PROSER1: variants seen among roughly 807,000 people sequenced by gnomAD.
The protein encoded by PROSER1 is proline and serine rich 1.
A neutral mutation model predicts 71.8 loss-of-function variants in PROSER1; 36 were observed. That is an observed-to-expected ratio of 0.50 (90% CI 0.38 to 0.66). PROSER1 has a LOEUF of 0.66. PROSER1 is among the 30% of genes least tolerant of loss of function. The pLI, the probability that PROSER1 is intolerant of heterozygous loss-of-function variation, is 0.00. For missense variants in PROSER1, 1,107 were observed against 1,135.0 expected (o/e 0.98, Z 0.35); for synonymous variants, 490 against 452.4 (o/e 1.08, Z -1.06).
In PROSER1 at chr13:39,013,877, C is replaced by T; in HGVS notation, c.1375G>A (p.Ala459Thr). The T allele has an allele frequency of 2.5e-6, 4 of 1,614,142 alleles. No homozygotes were observed. Among genetic ancestry groups the T allele is most frequent in the Non-Finnish European group, 2.5e-6 (3 of 1,180,034 alleles). ...VIAGGSTPSV[A>T]GPLGVNSPLL... ...GGACTGTTCACACCAAGTGGACCGGCAACGCTGGGAGTAGAGCCACCAGCA... is the reference window on the plus strand; with the variant it reads ...GGACTGTTCACACCAAGTGGACCGGTAACGCTGGGAGTAGAGCCACCAGCA... Residue 459 changes from alanine (A) to threonine (T), a missense_variant, in exon 11 of 13, where the codon GCC becomes ACC. Physicochemically the swap from Ala to Thr is moderately conservative, Grantham distance 58. Coordinates refer to ENST00000352251, the MANE Select transcript of PROSER1 (RefSeq NM_025138.5).
At chr13:39,019,765 T>C (rs1182680037) in intron 9 of PROSER1, among the ~76,000 whole-genome samples, 2 of 151,174 alleles carry the variant, frequency 1.3e-5, no homozygotes, top group East Asian at 1.9e-4. Flanking sequence ...ATAATGAAAA[T>C]AAAAATAAAA....
At chr13:39,012,600 T>G in intron 11 of PROSER1, 91 bp downstream of exon 11, 9 of 1,054,400 alleles carry the variant, frequency 8.5e-6, no homozygotes, top group Non-Finnish European at 1.2e-5. Context: ...ATCATTTAGA[T>G]TTTGACATTC....
Position 39,013,967 on chromosome 13 carries a change from A to G in PROSER1, c.1285T>C (p.Phe429Leu). 1 of 1,614,142 alleles carries G rather than the reference A, an allele frequency of 6.2e-7. No homozygotes were observed. Among genetic ancestry groups the G allele is most frequent in the Non-Finnish European group, 8.5e-7 (1 of 1,180,030 alleles). Residue 429 changes from phenylalanine (F) to leucine (L), a missense_variant, in exon 11 of 13, where the codon TTT (phenylalanine) becomes CTT (leucine). By Grantham distance (22) the Phe-to-Leu change is conservative. Transcript: ENST00000352251. ...GGTAAGGGCAAAGGGAGCCCTGCAA[A>G]AACTGATGACAATGAAGCAGAATTT... ...NPNSASLSSV[F>L]AGLPLPLPPT...
At position 39,013,617 on chromosome 13, in the gene PROSER1, C is replaced by A; in HGVS notation, c.1635G>T (p.Val545=). 1 of 1,614,126 alleles carries A rather than the reference C, an allele frequency of 6.2e-7. No individual in the cohort carries two copies. Among genetic ancestry groups the A allele is most frequent in the Non-Finnish European group, 8.5e-7 (1 of 1,180,032 alleles). Reference sequence around the variant, plus strand: ...TCAGGGGAGTGGAAGTTGAGTTAGCCACGGGAGACGGCAGGCCTGGGAACA... The same window carrying A: ...TCAGGGGAGTGGAAGTTGAGTTAGCAACGGGAGACGGCAGGCCTGGGAACA... ...LALFPGLPSP[V]ANSTSTPLTL... is the part of the protein sequence containing the mutation. Residue 545 remains valine, a synonymous_variant, in exon 11 of 13, where the codon GTG becomes GTT. Transcript: ENST00000352251.
intron 7 of PROSER1, among the ~76,000 whole-genome samples, chr13:39,024,175 A>G (rs1410324876): frequency 6.6e-6 from 1 of 152,174 alleles, no homozygotes; most frequent in African/African-American, 2.4e-5. Context: ...TAAACTACAA[A>G]CTTAGTTAAA....
rs1566220223 is a variant in PROSER1 at position 39,012,747 on chromosome 13, TG to T, written c.2504del (p.Pro835GlnfsTer114). 6.2e-7 allele frequency: 1 copy of T among 1,612,172 alleles called. No individual in the cohort carries two copies. The highest frequency in any genetic ancestry group is 8.5e-7 in the Non-Finnish European group (1 of 1,178,974). ...ATAPSPAPVL[P>X]GFASAFSSNF... ...TGGAACTGAATGCTGAGGCGAATCC[TG>T]GGAGGACTGGAGCTGGGGATGGGGC... On this transcript the variant is annotated frameshift_variant, in exon 11 of 13. Transcript: ENST00000352251. LOFTEE classifies it high-confidence loss of function.
chr13:39,020,589 AAAC>A (rs1197978948), intron 9 of PROSER1, among the ~76,000 whole-genome samples: 35 of 152,206 alleles, frequency 2.3e-4, no homozygotes, highest in East Asian at 9.6e-4. Flanking sequence ...TGAGTAAAAC[AAAC>A]AACAACTGAT....
At chr13:39,011,559 G>A (rs1869661030) in intron 12 of PROSER1, 72 bp from the exon 13 acceptor site, 11 of 1,470,552 alleles carry the variant, frequency 7.5e-6, no homozygotes, top group Admixed American at 3.7e-5. Flanking sequence ...TTCTACCCAT[G>A]CCACACAGAG....
chr13:39,036,135 T>C (rs1871088487), intron 1 of PROSER1, among the ~76,000 whole-genome samples: 1 of 152,206 alleles, frequency 6.6e-6, no homozygotes, highest in Non-Finnish European at 1.5e-5. Context: ...CAAGAACAAA[T>C]TGTGACAAAT....
chr13:39,011,524 C>T (rs755669331), intron 12 of PROSER1, 37 bp from the exon 13 acceptor site: 1 of 1,605,978 alleles, frequency 6.2e-7, no homozygotes, highest in African/African-American at 1.3e-5. Flanking sequence ...AGCAGAGTGC[C>T]AAGTTCATTC....
chr13:39,023,214 C>G (rs1028887797), intron 7 of PROSER1, 84 bp from the exon 8 acceptor site: 4 of 993,358 alleles, frequency 4.0e-6, no homozygotes, highest in Non-Finnish European at 6.4e-6. Flanking sequence ...ATATTTAGTC[C>G]TAATATGCTA....
At chr13:39,029,668 C>T (rs1870739292) in intron 3 of PROSER1, among the ~76,000 whole-genome samples, 1 of 152,062 alleles carries the variant, frequency 6.6e-6, no homozygotes, top group South Asian at 2.1e-4. Flanking sequence ...AGAAGTATTA[C>T]TTTCCTCAGA....
intron 5 of PROSER1, among the ~76,000 whole-genome samples, chr13:39,027,682 ATAAT>A (rs1179634511): frequency 2.0e-5 from 3 of 152,192 alleles, no homozygotes; most frequent in African/African-American, 2.4e-5. Context: ...TGCCAGGCTC[ATAAT>A]TAATTAATTA....
chr13:39,024,258 C>G (rs1326404), intron 7 of PROSER1, among the ~76,000 whole-genome samples: 48,927 of 152,008 alleles, frequency 0.32, 9,697 homozygotes, highest in African/African-American at 0.55. Context: ...AAAGCAATTT[C>G]ACTGATTCTA....
chr13:39,036,500 A>G (rs953184309), intron 1 of PROSER1, among the ~76,000 whole-genome samples: 1 of 152,184 alleles, frequency 6.6e-6, no homozygotes, highest in Admixed American at 6.5e-5. Context: ...AAGTCCTTAC[A>G]TTTTAAAATA....
intron 4 of PROSER1, among the ~76,000 whole-genome samples, chr13:39,028,738 T>C (rs1870668344): frequency 6.6e-6 from 1 of 152,140 alleles, no homozygotes; most frequent in Admixed American, 6.5e-5. Flanking sequence ...AAAATGTATG[T>C]GTTACAAATA....
At chr13:39,036,226 C>CA (rs770256365) in intron 1 of PROSER1, among the ~76,000 whole-genome samples, 1 of 151,698 alleles carries the variant, frequency 6.6e-6, no homozygotes, top group Non-Finnish European at 1.5e-5. Flanking sequence ...AGAACTTGTT[C>CA]AAAAAAGAAT....
intron 6 of PROSER1, 35 bp from the exon 7 acceptor site, chr13:39,024,591 T>TA (rs750339718): frequency 8.0e-3 from 9,618 of 1,195,064 alleles, no homozygotes; most frequent in Middle Eastern, 9.4e-3. Context: ...AATTGAAACT[T>TA]AAAAAAAAAA....
Position 39,037,361 on chromosome 13 carries a change from G to T in PROSER1, c.-119C>A. ...TAGCTGAGGAGGAAAAAGACTCCAC[G>T]AGCAAGAGAGGATGCGAAGAGGTAG... On this transcript the variant is annotated 5_prime_UTR_variant, in exon 1 of 13. Transcript: ENST00000352251. The T allele has an allele frequency of 1.3e-6, 1 of 757,712 alleles. No individual in the cohort carries two copies. The highest frequency in any genetic ancestry group is 2.3e-6 in the Non-Finnish European group (1 of 432,166). The allele number at this position is 757,712 out of a possible 1,614,324, so 46.9% of individuals were successfully genotyped here. A position where few individuals can be genotyped will look rare whatever the true frequency, so the allele number is the denominator to read the frequency against.
Sources: gnomAD v4.1 joint callset for allele counts (sites outside exome capture counted in the v4.1 genomes callset) on GRCh38, gnomAD v4.1.1 for gene constraint, MANE v1.5 for transcripts, NCBI Gene and HGNC (gene_info 2026-07-23, HGNC 2026-07-21) for gene names.